PTPRD: variants seen among roughly 807,000 people sequenced by gnomAD.
PTPRD encodes protein tyrosine phosphatase receptor type D, also known as receptor-type tyrosine-protein phosphatase delta.
In PTPRD, 34 loss-of-function variants were observed where a neutral mutation model predicts 214.5. The ratio of observed to expected loss-of-function variants is 0.16; its 90% CI spans 0.12 to 0.21. The LOEUF (loss-of-function observed/expected upper bound fraction) is 0.21. Ranked by LOEUF, PTPRD falls within the 10% of genes least tolerant of loss-of-function variation. The pLI, the probability that PTPRD is intolerant of heterozygous loss-of-function variation, is 1.00. For missense variants in PTPRD, 2,545 were observed against 2,398.7 expected (o/e 1.06, Z -1.27); for synonymous variants, 1,128 against 845.7 (o/e 1.33, Z -5.79).
At chr9:10,557,853 C>A (rs115613721) in intron 2 of PTPRD, among the ~76,000 whole-genome samples, 1 of 152,212 alleles carries the variant, frequency 6.6e-6, no homozygotes, top group South Asian at 2.1e-4. Flanking sequence ...ATTTATGTCA[C>A]GTTCTAAGAA....
intron 39 of PTPRD, among the ~76,000 whole-genome samples, chr9:8,345,304 A>G (rs1453651585): frequency 6.6e-6 from 1 of 152,080 alleles, no homozygotes; most frequent in African/African-American, 2.4e-5. Context: ...CATGCACGCC[A>G]TACCTGGATA....
At chr9:9,516,598 CACTA>C (rs1197692401) in intron 8 of PTPRD, among the ~76,000 whole-genome samples, 12 of 151,488 alleles carry the variant, frequency 7.9e-5, no homozygotes, top group Non-Finnish European at 1.5e-4. Context: ...AGTGCAATGG[CACTA>C]ACTAAGCTAA....
chr9:9,246,379 A>C, intron 9 of PTPRD, among the ~76,000 whole-genome samples: 1 of 152,190 alleles, frequency 6.6e-6, no homozygotes, highest in African/African-American at 2.4e-5. Flanking sequence ...CAGAAAAATC[A>C]CCAGATTAGC....
intron 12 of PTPRD, among the ~76,000 whole-genome samples, chr9:8,656,169 T>C (rs1413010644): frequency 6.6e-6 from 1 of 152,198 alleles, no homozygotes; most frequent in African/African-American, 2.4e-5. Context: ...AGATGCATAT[T>C]CTCTGAGACC....
At chr9:9,072,528 C>A (rs922448108) in intron 10 of PTPRD, among the ~76,000 whole-genome samples, 5 of 152,132 alleles carry the variant, frequency 3.3e-5, no homozygotes, top group Non-Finnish European at 7.4e-5. Context: ...AAGGAGTGAA[C>A]TAGAAATGTA....
chr9:9,774,223 G>A (rs922878266), intron 5 of PTPRD, among the ~76,000 whole-genome samples: 1 of 152,116 alleles, frequency 6.6e-6, no homozygotes, highest in African/African-American at 2.4e-5. Context: ...TAAAACACAT[G>A]GAGTTTGATT....
At chr9:9,908,079 CAAA>C (rs147778757) in intron 5 of PTPRD, among the ~76,000 whole-genome samples, 3 of 149,318 alleles carry the variant, frequency 2.0e-5, no homozygotes, top group Non-Finnish European at 3.0e-5. Context: ...AACATTAAGA[CAAA>C]AAAAAAAATC....
intron 3 of PTPRD, among the ~76,000 whole-genome samples, chr9:10,079,141 C>G (rs1393455465): frequency 6.6e-6 from 1 of 152,026 alleles, no homozygotes; most frequent in Admixed American, 6.6e-5. Flanking sequence ...ATCCCTCCCT[C>G]TAAGCTGATT....
At chr9:10,213,947 A>G (rs2099528827) in intron 3 of PTPRD, among the ~76,000 whole-genome samples, 1 of 152,058 alleles carries the variant, frequency 6.6e-6, no homozygotes, top group African/African-American at 2.4e-5. Context: ...GCTGGGAAGA[A>G]AAAATTCTGG....
At chr9:8,810,783 G>A (rs922264342) in intron 11 of PTPRD, among the ~76,000 whole-genome samples, 1 of 152,190 alleles carries the variant, frequency 6.6e-6, no homozygotes, top group African/African-American at 2.4e-5. Flanking sequence ...TCAGGAGAGA[G>A]AAAAGTGGGA....
At chr9:9,426,761 T>C (rs1239427522) in intron 8 of PTPRD, among the ~76,000 whole-genome samples, 1 of 152,116 alleles carries the variant, frequency 6.6e-6, no homozygotes, top group Non-Finnish European at 1.5e-5. Flanking sequence ...TATTCACTGT[T>C]CTGCACCCTC....
intron 2 of PTPRD, among the ~76,000 whole-genome samples, chr9:10,544,348 T>C (rs866372221): frequency 6.6e-6 from 1 of 152,184 alleles, no homozygotes; most frequent in African/African-American, 2.4e-5. Flanking sequence ...TGTACCATTT[T>C]AACAGAAACA....
chr9:8,845,490 T>C (rs551650971), intron 11 of PTPRD, among the ~76,000 whole-genome samples: 2 of 152,336 alleles, frequency 1.3e-5, no homozygotes, highest in African/African-American at 2.4e-5. Flanking sequence ...CAATAGGAAA[T>C]ACAAGCCATC....
intron 11 of PTPRD, among the ~76,000 whole-genome samples, chr9:8,999,650 T>C (rs1469597581): frequency 2.0e-5 from 3 of 151,934 alleles, no homozygotes; most frequent in Admixed American, 6.6e-5. Context: ...AAATAAATAA[T>C]CAGTATTATT....
In PTPRD at chr9:8,340,439, C is replaced by T. The variant is rs1230901253; in HGVS notation, c.5157G>A (p.Gly1719=). ...AGTCTTCAGTGGTCTCTGCCAAGGGCCCCTGGGTAGCGATGTAGGCTTTCT... is the reference window on the plus strand; with the variant it reads ...AGTCTTCAGTGGTCTCTGCCAAGGGTCCCTGGGTAGCGATGTAGGCTTTCT... ...RQQKAYIATQ[G]PLAETTEDFW... The change falls in exon 42 of 46, where the codon GGG becomes GGA. Residue 1719 remains glycine, a synonymous_variant. Coordinates refer to ENST00000381196, the MANE Select transcript of PTPRD (RefSeq NM_002839.4). 1.9e-6 allele frequency: 3 copies of T among 1,605,424 alleles called. No individual in the cohort carries two copies. Among genetic ancestry groups the T allele is most frequent in the African/African-American group, 2.7e-5 (2 of 74,882 alleles).
intron 9 of PTPRD, among the ~76,000 whole-genome samples, chr9:9,218,753 G>A (rs764910592): frequency 2.0e-5 from 3 of 151,994 alleles, no homozygotes; most frequent in Non-Finnish European, 2.9e-5. Flanking sequence ...CTTCTAGTAT[G>A]AGAATACAAG....
chr9:9,798,142 T>C (rs995860008), intron 5 of PTPRD, among the ~76,000 whole-genome samples: 6 of 151,996 alleles, frequency 3.9e-5, no homozygotes, highest in African/African-American at 1.4e-4. Context: ...CTGATAATCA[T>C]AAATTTTAAT....
chr9:8,880,641 C>G (rs999121319), intron 11 of PTPRD, among the ~76,000 whole-genome samples: 8 of 152,136 alleles, frequency 5.3e-5, no homozygotes, highest in Non-Finnish European at 1.0e-4. Context: ...TTTGCCAACT[C>G]ATGCTGTTAT....
intron 2 of PTPRD, among the ~76,000 whole-genome samples, chr9:10,482,191 G>A (rs2132217252): frequency 6.6e-6 from 1 of 152,026 alleles, no homozygotes. Context: ...CTAACACAGT[G>A]AAACCCCATC....
Sources: gnomAD v4.1 joint callset for allele counts (sites outside exome capture counted in the v4.1 genomes callset) on GRCh38, gnomAD v4.1.1 for gene constraint, MANE v1.5 for transcripts, NCBI Gene and HGNC (gene_info 2026-07-23, HGNC 2026-07-21) for gene names.